ZFYVE16: variants seen among roughly 807,000 people sequenced by gnomAD.
ZFYVE16 encodes the protein zinc finger FYVE-type containing 16, also known as zinc finger FYVE domain-containing protein 16.
In ZFYVE16, 89 loss-of-function variants were observed where a neutral mutation model predicts 138.1. That is an observed-to-expected ratio of 0.64 (90% CI 0.54 to 0.77). The LOEUF (loss-of-function observed/expected upper bound fraction) is 0.77, where lower values mean the gene tolerates loss of function less well. ZFYVE16 is among the 30% of genes least tolerant of loss of function. ZFYVE16 has a pLI of 0.00. For missense variants in ZFYVE16, 1,793 were observed against 1,786.7 expected (o/e 1.00, Z -0.06); for synonymous variants, 596 against 618.3 (o/e 0.96, Z 0.53).
intron 3 of ZFYVE16, 111 bp from the exon 4 acceptor site, chr5:80,436,645 C>G (rs1749948287): frequency 1.0e-6 from 1 of 976,332 alleles, no homozygotes; most frequent in East Asian, 2.6e-5. Context: ...AAAGGATAAT[C>G]TATGTTCTTT....
intron 3 of ZFYVE16, 30 bp from the exon 4 acceptor site, chr5:80,436,726 C>A: frequency 6.5e-7 from 1 of 1,537,192 alleles, no homozygotes; most frequent in Non-Finnish European, 8.8e-7. Flanking sequence ...TGATTTAAGT[C>A]TCCCGAATAA....
chr5:80,448,439 A>T (rs1218966693), intron 8 of ZFYVE16, 35 bp downstream of exon 8: 1 of 1,428,646 alleles, frequency 7.0e-7, no homozygotes, highest in African/African-American at 1.4e-5. Flanking sequence ...AAAAAGATTT[A>T]AAAATATATA....
intron 2 of ZFYVE16, among the ~76,000 whole-genome samples, chr5:80,429,514 C>T (rs1748659247): frequency 6.6e-6 from 1 of 152,158 alleles, no homozygotes; most frequent in African/African-American, 2.4e-5. Flanking sequence ...ATTGTAAAGA[C>T]CATCGATGCT....
rs557204221 is a variant in ZFYVE16 at position 80,429,178 on chromosome 5, G to A, written c.-40+1633G>A. Among the ~76,000 whole-genome samples, 37 of 152,176 alleles carry A rather than the reference G, an allele frequency of 2.4e-4. 1 individual carries two copies. The South Asian group carries it at 7.5e-3, about 31-fold the overall frequency. ...TCAGATTCACCAAAATTGAAATGAA[G>A]GAAAAAATGTTAAGGGCAGCCAGAG... is the stretch of plus-strand genomic sequence containing the variant. On this transcript the variant is annotated intron_variant, in intron 2 of 18. Transcript: ENST00000505560.
chr5:80,418,510 C>T (rs573033202), intron 1 of ZFYVE16, among the ~76,000 whole-genome samples: 23 of 152,118 alleles, frequency 1.5e-4, no homozygotes, highest in African/African-American at 5.3e-4. Context: ...GATGAGGTTT[C>T]TCTATGTTGC....
intron 1 of ZFYVE16, among the ~76,000 whole-genome samples, chr5:80,419,886 A>G (rs1022131557): frequency 2.2e-4 from 34 of 151,660 alleles, no homozygotes; most frequent in African/African-American, 8.2e-4. Context: ...ATCTTGGCTT[A>G]CTGCAACATC....
chr5:80,448,901 C>CT (rs1025282852), intron 8 of ZFYVE16, among the ~76,000 whole-genome samples: 2 of 152,072 alleles, frequency 1.3e-5, no homozygotes, highest in African/African-American at 4.8e-5. Context: ...GATTCTATGG[C>CT]TAACCCCCAC....
At chr5:80,421,901 C>G (rs1437658691) in intron 1 of ZFYVE16, among the ~76,000 whole-genome samples, 1 of 152,160 alleles carries the variant, frequency 6.6e-6, no homozygotes, top group Non-Finnish European at 1.5e-5. Context: ...TGGCGATTTT[C>G]ATGATATTGA....
At chr5:80,431,239 C>T (rs1044103118) in intron 2 of ZFYVE16, among the ~76,000 whole-genome samples, 13 of 152,172 alleles carry the variant, frequency 8.5e-5, no homozygotes, top group South Asian at 2.1e-4. Context: ...GCTTATCCAC[C>T]GTGATCAAGT....
intron 2 of ZFYVE16, among the ~76,000 whole-genome samples, chr5:80,433,562 A>G (rs533451413): frequency 7.2e-5 from 11 of 152,288 alleles, no homozygotes; most frequent in African/African-American, 2.6e-4. Flanking sequence ...CGTTATGCAC[A>G]TGTACCCTAG....
intron 15 of ZFYVE16, among the ~76,000 whole-genome samples, chr5:80,468,213 G>A (rs968652396): frequency 1.3e-5 from 2 of 152,112 alleles, no homozygotes; most frequent in East Asian, 1.9e-4. Context: ...TGAGAAAATT[G>A]GCACATTTTC....
At chr5:80,422,662 C>T (rs908991206) in intron 1 of ZFYVE16, among the ~76,000 whole-genome samples, 1 of 152,052 alleles carries the variant, frequency 6.6e-6, no homozygotes, top group Non-Finnish European at 1.5e-5. Flanking sequence ...ACCATGTTGG[C>T]CTGGCTGGTC....
At chr5:80,416,607 A>AT (rs1746297995) in intron 1 of ZFYVE16, among the ~76,000 whole-genome samples, 1 of 139,868 alleles carries the variant, frequency 7.1e-6, no homozygotes, top group Non-Finnish European at 1.6e-5. Context: ...CTGCTCTTTT[A>AT]TTTTGTCCCA....
chr5:80,433,724 T>G (rs959268337), intron 2 of ZFYVE16, among the ~76,000 whole-genome samples: 1 of 152,166 alleles, frequency 6.6e-6, no homozygotes, highest in Non-Finnish European at 1.5e-5. Context: ...TTTAAGGCTC[T>G]AAGTATCTCT....
Position 80,417,187 on chromosome 5 carries a change from C to T in ZFYVE16, c.-94+9034C>T, listed in dbSNP as rs10059792. Among the ~76,000 whole-genome samples the T allele has an allele frequency of 6.1e-3, 931 of 152,282 alleles. 9 individuals are homozygous for T. The highest frequency in any genetic ancestry group is 0.022 in the African/African-American group (903 of 41,552). On this transcript the variant is annotated intron_variant, in intron 1 of 18. Transcript: ENST00000505560. ...TGTTAACCTGTACCACCATGGAAAA[C>T]AACTTTATCAACTAGGGTAGAGTGC...
Position 80,419,961 on chromosome 5 carries a change from T to A in ZFYVE16, c.-93-7531T>A, listed in dbSNP as rs545914504. Among the ~76,000 whole-genome samples, 195 of 147,876 alleles carry A rather than the reference T, an allele frequency of 1.3e-3. 2 individuals are homozygous for A. The South Asian group carries it at 0.04, about 30-fold the overall frequency. On this transcript the variant is annotated intron_variant, in intron 1 of 18. Coordinates refer to ENST00000505560, the MANE Select transcript of ZFYVE16 (RefSeq NM_001284236.3). ...TGAGTAGCTGGGATTACAGGTACAC[T>A]CCACCACGCCTGGCTAATTTTTGTA...
At chr5:80,425,597 T>C (rs375986942) in intron 1 of ZFYVE16, among the ~76,000 whole-genome samples, 3 of 152,212 alleles carry the variant, frequency 2.0e-5, no homozygotes, top group African/African-American at 7.2e-5. Flanking sequence ...ATATTTACCA[T>C]AGGCAGTTTG....
chr5:80,445,699 C>T (rs1409510359), intron 7 of ZFYVE16, among the ~76,000 whole-genome samples: 3 of 150,874 alleles, frequency 2.0e-5, no homozygotes, highest in Non-Finnish European at 4.4e-5. Flanking sequence ...TAGCTGGGAT[C>T]ACAGAAGTGA....
intron 16 of ZFYVE16, among the ~76,000 whole-genome samples, chr5:80,473,482 G>A (rs980331648): frequency 6.6e-6 from 1 of 152,064 alleles, no homozygotes; most frequent in African/African-American, 2.4e-5. Flanking sequence ...TCATGAGGCA[G>A]CTTTTCTATT....
Sources: gnomAD v4.1 joint callset for allele counts (sites outside exome capture counted in the v4.1 genomes callset) on GRCh38, gnomAD v4.1.1 for gene constraint, MANE v1.5 for transcripts, NCBI Gene and HGNC (gene_info 2026-07-23, HGNC 2026-07-21) for gene names.